Variants in ST6GALNAC3 observed in about 807,000 individuals in gnomAD.
ST6GALNAC3 encodes the protein ST6 N-acetylgalactosaminide alpha-2,6-sialyltransferase 3.
Under a neutral mutation model 32.7 loss-of-function variants are expected in ST6GALNAC3, and 25 were observed. That is an observed-to-expected ratio of 0.76 (90% CI 0.56 to 1.07). The LOEUF is 1.07. Ranked by LOEUF, ST6GALNAC3 falls within the 50% of genes least tolerant of loss-of-function variation. The pLI, the probability that ST6GALNAC3 is intolerant of heterozygous loss-of-function variation, is 0.00. For missense variants in ST6GALNAC3, 355 were observed against 382.4 expected, an observed-to-expected ratio of 0.93 and a Z score of 0.60; for synonymous variants, 129 against 133.1, an observed-to-expected ratio of 0.97 and a Z score of 0.21.
intron 3 of ST6GALNAC3, among the ~76,000 whole-genome samples, chr1:76,528,032 C>G (rs1411003576): frequency 1.3e-5 from 2 of 152,196 alleles, no homozygotes; most frequent in Non-Finnish European, 2.9e-5. Context: ...CTGTTTCTAA[C>G]CTGGTTAGGT....
At chr1:76,104,054 C>A (rs1366695345) in intron 1 of ST6GALNAC3, among the ~76,000 whole-genome samples, 1 of 152,124 alleles carries the variant, frequency 6.6e-6, no homozygotes, top group African/African-American at 2.4e-5. Flanking sequence ...ATAATTTTCT[C>A]TTTCTATAAA....
intron 1 of ST6GALNAC3, among the ~76,000 whole-genome samples, chr1:76,279,822 G>A (rs575096186): frequency 6.6e-6 from 1 of 152,342 alleles, no homozygotes; most frequent in Admixed American, 6.5e-5. Context: ...GAATTAGGAA[G>A]AAAGTTAAAA....
intron 1 of ST6GALNAC3, among the ~76,000 whole-genome samples, chr1:76,181,433 G>A (rs896031558): frequency 6.6e-5 from 10 of 152,078 alleles, no homozygotes; most frequent in African/African-American, 2.4e-4. Flanking sequence ...AAGTAAAGAC[G>A]TTTTGGATGT....
chr1:76,506,134 A>T (rs888150700), intron 3 of ST6GALNAC3, among the ~76,000 whole-genome samples: 6 of 152,200 alleles, frequency 3.9e-5, no homozygotes, highest in African/African-American at 1.4e-4. Context: ...CTTGTTTACA[A>T]TACATGTAGA....
intron 3 of ST6GALNAC3, among the ~76,000 whole-genome samples, chr1:76,475,104 G>C (rs546780135): frequency 6.6e-6 from 1 of 152,116 alleles, no homozygotes; most frequent in South Asian, 2.1e-4. Context: ...CTGAGGTGGC[G>C]AGGTTTCACC....
chr1:76,532,599 A>G (rs1305278208), intron 3 of ST6GALNAC3, among the ~76,000 whole-genome samples: 1 of 152,206 alleles, frequency 6.6e-6, no homozygotes, highest in Non-Finnish European at 1.5e-5. Flanking sequence ...GCTTATAAAG[A>G]GAGAATTAAG....
chr1:76,465,388 A>G (rs1478738064), intron 3 of ST6GALNAC3, among the ~76,000 whole-genome samples: 3 of 152,194 alleles, frequency 2.0e-5, no homozygotes, highest in African/African-American at 7.2e-5. Flanking sequence ...GACTAAAAGA[A>G]AAGAGAAAGC....
At chr1:76,339,691 A>C (rs1165789503) in intron 2 of ST6GALNAC3, among the ~76,000 whole-genome samples, 3 of 152,168 alleles carry the variant, frequency 2.0e-5, no homozygotes, top group South Asian at 4.1e-4. Context: ...AGTGCCTACT[A>C]TGTGTCCACC....
At chr1:76,569,179 G>C (rs1437040860) in intron 3 of ST6GALNAC3, among the ~76,000 whole-genome samples, 1 of 152,078 alleles carries the variant, frequency 6.6e-6, no homozygotes, top group Non-Finnish European at 1.5e-5. Flanking sequence ...TGTTTGAAGG[G>C]AAAGCAACAA....
chr1:76,350,577 C>G (rs1158774742), intron 2 of ST6GALNAC3, among the ~76,000 whole-genome samples: 1 of 152,082 alleles, frequency 6.6e-6, no homozygotes, highest in African/African-American at 2.4e-5. Context: ...ATAAAAGAAT[C>G]ATCAATAAGA....
chr1:76,158,156 T>G (rs411398), intron 1 of ST6GALNAC3, among the ~76,000 whole-genome samples: 21,339 of 152,318 alleles, frequency 0.14, 1,736 homozygotes, highest in Non-Finnish European at 0.19. Context: ...GGGGTGGTTG[T>G]GAGTCAGCCT....
chr1:76,098,435 T>C (rs1487153329), intron 1 of ST6GALNAC3, among the ~76,000 whole-genome samples: 1 of 152,250 alleles, frequency 6.6e-6, no homozygotes, highest in African/African-American at 2.4e-5. Flanking sequence ...CTTTTGCTTC[T>C]GGACAACAAT....
chr1:76,577,144 GTC>G (rs1411667136), intron 3 of ST6GALNAC3: 2 of 1,060,586 alleles, frequency 1.9e-6, no homozygotes, highest in African/African-American at 3.3e-5. Context: ...TTTAAATGTT[GTC>G]TCTCTGTTTT....
At chr1:76,329,840 G>T (rs1249330869) in intron 2 of ST6GALNAC3, among the ~76,000 whole-genome samples, 1 of 150,734 alleles carries the variant, frequency 6.6e-6, no homozygotes, top group East Asian at 1.9e-4. Flanking sequence ...ATGGAGTCTT[G>T]CTCTGTCACC....
At chr1:76,165,385 T>C (rs2100394777) in intron 1 of ST6GALNAC3, among the ~76,000 whole-genome samples, 1 of 152,320 alleles carries the variant, frequency 6.6e-6, no homozygotes, top group South Asian at 2.1e-4. Context: ...TTCCGTGGTA[T>C]ATATGTACCA....
At chr1:76,363,901 G>A (rs1181274713) in intron 2 of ST6GALNAC3, among the ~76,000 whole-genome samples, 2 of 151,976 alleles carry the variant, frequency 1.3e-5, no homozygotes, top group African/African-American at 2.4e-5. Flanking sequence ...AATACCAAGG[G>A]GGATGGCATT....
At chr1:76,138,785 C>G (rs1370418374) in intron 1 of ST6GALNAC3, among the ~76,000 whole-genome samples, 1 of 152,154 alleles carries the variant, frequency 6.6e-6, no homozygotes, top group Non-Finnish European at 1.5e-5. Flanking sequence ...AAGTGGACCC[C>G]TAGTAAACTC....
intron 1 of ST6GALNAC3, among the ~76,000 whole-genome samples, chr1:76,194,895 C>T (rs1420364289): frequency 6.6e-6 from 1 of 152,214 alleles, no homozygotes; most frequent in African/African-American, 2.4e-5. Context: ...GTCTAGCTTG[C>T]ACTTTGAATG....
rs77755620 is a variant in ST6GALNAC3, at chr1:76,350,130, A to T, written c.213+36131A>T. Among the ~76,000 whole-genome samples the T allele has an allele frequency of 3.1e-3, 467 of 152,320 alleles. 3 individuals are homozygous for T. The highest frequency in any genetic ancestry group is 0.01 in the African/African-American group (430 of 41,576). ...TAACATTTCTGTTGGTTTTTTTTCA[A>T]CATAAAAATTTCAAGAGAAAACCTA... is the stretch of plus-strand genomic sequence containing the variant. On this transcript the variant is annotated intron_variant, in intron 2 of 4. Coordinates refer to ENST00000328299, the MANE Select transcript of ST6GALNAC3 (RefSeq NM_152996.4).
Sources: allele counts gnomAD v4.1 joint callset (sites outside exome capture counted in the v4.1 genomes callset), GRCh38; gene constraint gnomAD v4.1.1; transcripts MANE v1.5; gene names NCBI Gene and HGNC (gene_info 2026-07-23, HGNC 2026-07-21).